The following DOCK5 variants were observed in gnomAD, a reference collection of about 807,000 sequenced individuals.
DOCK5 encodes the protein dedicator of cytokinesis protein 5.
DOCK5 carries 142 observed loss-of-function variants against 251.8 expected under a neutral mutation model. The ratio of observed to expected loss-of-function variants is 0.56; its 90% CI spans 0.49 to 0.65. DOCK5 has a LOEUF of 0.65. Ranked by LOEUF, DOCK5 falls within the 30% of genes least tolerant of loss-of-function variation. The pLI is 0.00. For synonymous variants in DOCK5, 842 were observed against 835.5 expected (o/e 1.01, Z -0.13); for missense variants, 2,111 against 2,312.3 (o/e 0.91, Z 1.79).
intron 2 of DOCK5, among the ~76,000 whole-genome samples, chr8:25,250,859 T>A (rs1803249980): frequency 6.6e-6 from 1 of 152,190 alleles, no homozygotes. Context: ...GGTTGGTAGT[T>A]TTGTCCTTGT....
chr8:25,310,916 C>G (rs1242347237), intron 13 of DOCK5, among the ~76,000 whole-genome samples: 2 of 152,184 alleles, frequency 1.3e-5, no homozygotes, highest in Non-Finnish European at 2.9e-5. Flanking sequence ...CGCAGACTCT[C>G]TCAAATAGCA....
chr8:25,319,795 G>A, intron 15 of DOCK5, 119 bp downstream of exon 15: 1 of 638,872 alleles, frequency 1.6e-6, no homozygotes, highest in Non-Finnish European at 2.7e-6. Context: ...GTTGCCTATG[G>A]TGTGCAGTAA....
chr8:25,386,479 T>G (rs1801166397), intron 40 of DOCK5, among the ~76,000 whole-genome samples: 1 of 152,130 alleles, frequency 6.6e-6, no homozygotes, highest in African/African-American at 2.4e-5. Context: ...TGTGCTATGG[T>G]CCTAGCTACT....
In DOCK5 at chr8:25,376,201, G is replaced by A. The variant is rs566737443; in HGVS notation, c.3817-1104G>A. 11 of 985,074 alleles carry A rather than the reference G, an allele frequency of 1.1e-5. No homozygotes were observed. The African/African-American group carries it at 1.7e-4, about 16-fold the overall frequency. 61.0% of individuals were successfully genotyped at this position (985,074 alleles called of 1,614,324 possible). A position where few individuals can be genotyped will look rare whatever the true frequency, so the allele number is the denominator to read the frequency against. Reference sequence around the variant, plus strand: ...TTGTATGATCAGAAAGAAATCCCCAGTGTCTGTAACTGTAGGTCTTTTCAT... The same window carrying A: ...TTGTATGATCAGAAAGAAATCCCCAATGTCTGTAACTGTAGGTCTTTTCAT... On this transcript the variant is annotated intron_variant, in intron 37 of 51. Coordinates refer to ENST00000276440, the MANE Select transcript of DOCK5 (RefSeq NM_024940.8).
chr8:25,315,984 C>T (rs574925261), intron 13 of DOCK5, among the ~76,000 whole-genome samples: 51 of 152,236 alleles, frequency 3.4e-4, no homozygotes, highest in African/African-American at 1.2e-3. Flanking sequence ...TTTTTCAATA[C>T]TTTTTTCATC....
chr8:25,225,414 A>T (rs969443363), intron 1 of DOCK5, among the ~76,000 whole-genome samples: 7 of 152,204 alleles, frequency 4.6e-5, no homozygotes, highest in Admixed American at 4.6e-4. Flanking sequence ...TCAGCCTTAA[A>T]AAGGAAGGAA....
At chr8:25,218,599 T>C (rs2117493042) in intron 1 of DOCK5, among the ~76,000 whole-genome samples, 1 of 152,322 alleles carries the variant, frequency 6.6e-6, no homozygotes, top group African/African-American at 2.4e-5. Context: ...CTGTGGTGTT[T>C]ATGACACGTT....
At chr8:25,382,525 G>A (rs1396276185) in intron 39 of DOCK5, 149 bp from the exon 40 acceptor site, 16 of 647,686 alleles carry the variant, frequency 2.5e-5, no homozygotes, top group Non-Finnish European at 4.3e-5. Flanking sequence ...TCCGAGAATA[G>A]GATAACCCTT....
chr8:25,326,440 T>C (rs929777400), intron 18 of DOCK5, among the ~76,000 whole-genome samples: 1 of 152,188 alleles, frequency 6.6e-6, no homozygotes, highest in African/African-American at 2.4e-5. Context: ...GACAAAAAGA[T>C]AAGGATTGTA....
intron 2 of DOCK5, among the ~76,000 whole-genome samples, chr8:25,251,327 A>G (rs1011175698): frequency 2.8e-5 from 4 of 144,382 alleles, no homozygotes; most frequent in Admixed American, 1.4e-4. Flanking sequence ...TTTCAGGGCA[A>G]TTTGTAAAGA....
intron 5 of DOCK5, among the ~76,000 whole-genome samples, chr8:25,285,714 G>T (rs977635306): frequency 2.0e-5 from 3 of 152,148 alleles, no homozygotes; most frequent in African/African-American, 7.2e-5. Context: ...CTGCTGGAAC[G>T]TAATCTCTGA....
At chr8:25,311,210 T>G (rs944462236) in intron 13 of DOCK5, among the ~76,000 whole-genome samples, 4 of 152,148 alleles carry the variant, frequency 2.6e-5, no homozygotes, top group Admixed American at 2.6e-4. Context: ...TTATACATAT[T>G]GCTATAAACT....
intron 1 of DOCK5, among the ~76,000 whole-genome samples, chr8:25,196,460 A>T (rs1801728617): frequency 6.6e-6 from 1 of 152,254 alleles, no homozygotes; most frequent in African/African-American, 2.4e-5. Context: ...ATAATTAAAT[A>T]AAAAATCTGA....
chr8:25,341,925 A>G, intron 24 of DOCK5, 116 bp downstream of exon 24: 1 of 808,134 alleles, frequency 1.2e-6, no homozygotes, highest in Admixed American at 2.8e-5. Context: ...TTAACTGAAT[A>G]CCTTTTTGTG....
rs553066498 is a variant in DOCK5 at position 25,325,293 on chromosome 8, T to C, written c.1720-71T>C. On this transcript the variant is annotated intron_variant, in intron 17 of 51. Transcript: ENST00000276440. ...CGCTTCTCATGCTGAAAATGCATGA[T>C]AGAAATTGTTTTTATTTGCATATAA... The C allele has an allele frequency of 3.8e-5, 57 of 1,514,648 alleles. 1 individual carries two copies. In the South Asian group the frequency reaches 6.8e-4, roughly 18 times the overall value. The allele number at this position is 1,514,648 out of a possible 1,614,324, so 93.8% of individuals were successfully genotyped here.
chr8:25,221,502 T>G (rs1463090085), intron 1 of DOCK5, among the ~76,000 whole-genome samples: 1 of 152,066 alleles, frequency 6.6e-6, no homozygotes, highest in Non-Finnish European at 1.5e-5. Context: ...AGAGAAGGGG[T>G]TTCGCCAAGT....
At chr8:25,292,337 T>G (rs984088088) in intron 6 of DOCK5, among the ~76,000 whole-genome samples, 165 bp downstream of exon 6, 6 of 152,174 alleles carry the variant, frequency 3.9e-5, no homozygotes, top group African/African-American at 1.4e-4. Context: ...GAAAAAAATG[T>G]CACAGTTCCC....
chr8:25,241,248 G>A (rs542998032), intron 1 of DOCK5, among the ~76,000 whole-genome samples: 19 of 152,190 alleles, frequency 1.2e-4, no homozygotes, highest in African/African-American at 4.3e-4. Context: ...AGGCTGAGGC[G>A]GGTGGATCAC....
chr8:25,323,514 A>G (rs945193276), intron 16 of DOCK5, among the ~76,000 whole-genome samples: 3 of 152,168 alleles, frequency 2.0e-5, no homozygotes, highest in Admixed American at 1.3e-4. Context: ...GTCAGGAAGG[A>G]CAGCAAGATG....
Sources: allele counts gnomAD v4.1 joint callset (sites outside exome capture counted in the v4.1 genomes callset), GRCh38; gene constraint gnomAD v4.1.1; transcripts MANE v1.5; gene names NCBI Gene and HGNC (gene_info 2026-07-23, HGNC 2026-07-21).